The following AKAP19 variants were observed in gnomAD, a reference collection of about 807,000 sequenced individuals.
The protein encoded by AKAP19 is A-kinase anchoring protein 19, also known as small A-kinase anchoring protein.
the AKAP19 span, among the ~76,000 whole-genome samples, chr2:190,047,250 T>C: frequency 1.3e-5 from 2 of 152,076 alleles, no homozygotes; most frequent in Non-Finnish European, 2.9e-5. Context: ...CCTGCATTCA[T>C]GTGTGTGTGT....
the AKAP19 span, among the ~76,000 whole-genome samples, chr2:190,050,155 G>A: frequency 1.3e-5 from 2 of 152,206 alleles, no homozygotes; most frequent in African/African-American, 2.4e-5. Context: ...AATGTAGACA[G>A]GCAGCATTTA....
At chr2:189,982,635 A>T in the AKAP19 span, among the ~76,000 whole-genome samples, 1 of 144,988 alleles carries the variant, frequency 6.9e-6, no homozygotes, top group African/African-American at 2.5e-5. Flanking sequence ...CTTATTTTTG[A>T]ATTTGCTGTT....
At chr2:189,941,001 G>A in the AKAP19 span, among the ~76,000 whole-genome samples, 1 of 152,154 alleles carries the variant, frequency 6.6e-6, no homozygotes, top group African/African-American at 2.4e-5. Flanking sequence ...CTTAAAAATA[G>A]CAAGAGAAAA....
the AKAP19 span, among the ~76,000 whole-genome samples, chr2:190,171,379 T>G: frequency 6.6e-6 from 1 of 152,116 alleles, no homozygotes; most frequent in African/African-American, 2.4e-5. Context: ...ATGATCATGG[T>G]TTTCTTAGAG....
At chr2:189,926,832 CT>C in the AKAP19 span, among the ~76,000 whole-genome samples, 1 of 152,064 alleles carries the variant, frequency 6.6e-6, no homozygotes, top group African/African-American at 2.4e-5. Context: ...ATGCGCCCGT[CT>C]TGGCCTCCGA....
At chr2:190,044,213 C>G in the AKAP19 span, among the ~76,000 whole-genome samples, 1 of 152,144 alleles carries the variant, frequency 6.6e-6, no homozygotes, top group Non-Finnish European at 1.5e-5. Flanking sequence ...GTTCCTTCCC[C>G]AGCTTGGAGG....
chr2:190,185,733 A>G, the AKAP19 span, among the ~76,000 whole-genome samples: 2 of 152,208 alleles, frequency 1.3e-5, no homozygotes, highest in Admixed American at 6.5e-5. Flanking sequence ...CGCCTGTTCA[A>G]CAGTTAGTCT....
the AKAP19 span, among the ~76,000 whole-genome samples, chr2:189,900,216 G>A: frequency 2.0e-5 from 3 of 151,960 alleles, no homozygotes; most frequent in Non-Finnish European, 2.9e-5. Context: ...ATAATGAAAT[G>A]CATTTTTCAA....
chr2:190,135,009 G>T, the AKAP19 span, among the ~76,000 whole-genome samples: 1 of 151,992 alleles, frequency 6.6e-6, no homozygotes, highest in African/African-American at 2.4e-5. Context: ...TTTTAACAGG[G>T]TCTTCACTGA....
At chr2:190,068,158 A>G in the AKAP19 span, among the ~76,000 whole-genome samples, 2 of 152,134 alleles carry the variant, frequency 1.3e-5, no homozygotes, top group African/African-American at 4.8e-5. Flanking sequence ...CTCCTCGATT[A>G]TTACAATTCT....
chr2:190,176,553 T>C, the AKAP19 span, among the ~76,000 whole-genome samples: 2 of 152,172 alleles, frequency 1.3e-5, no homozygotes, highest in Admixed American at 6.5e-5. This position sits in a 1 kb window ranked among gnomAD's most constrained non-coding sequence, Gnocchi z 4.7. Context: ...TTTCAGTATG[T>C]TGGCCAGGCT....
the AKAP19 span, among the ~76,000 whole-genome samples, chr2:190,060,635 C>T: frequency 2.0e-5 from 3 of 151,896 alleles, no homozygotes; most frequent in Non-Finnish European, 1.5e-5. Flanking sequence ...ATTTTTCAGA[C>T]GTATGTATTT....
At chr2:189,965,704 A>ATG in the AKAP19 span, among the ~76,000 whole-genome samples, 5 of 152,200 alleles carry the variant, frequency 3.3e-5, no homozygotes, top group African/African-American at 1.2e-4. Flanking sequence ...GCTGGTGGGA[A>ATG]TGTAAACTGG....
the AKAP19 span, among the ~76,000 whole-genome samples, chr2:190,047,737 C>T: frequency 6.6e-6 from 1 of 152,196 alleles, no homozygotes; most frequent in African/African-American, 2.4e-5. Context: ...CCCTCCTTTT[C>T]TGGGAACAGT....
the AKAP19 span, among the ~76,000 whole-genome samples, chr2:189,968,611 T>C: frequency 2.6e-5 from 4 of 152,146 alleles, no homozygotes; most frequent in African/African-American, 9.7e-5. Flanking sequence ...AAAACATAGC[T>C]ATGCACTACA....
chr2:190,033,640 T>C, the AKAP19 span, among the ~76,000 whole-genome samples: 2 of 152,222 alleles, frequency 1.3e-5, no homozygotes, highest in Non-Finnish European at 2.9e-5. Context: ...CAAATTGGGC[T>C]GATTATAACT....
the AKAP19 span, among the ~76,000 whole-genome samples, chr2:190,161,342 C>T: frequency 6.6e-6 from 1 of 152,146 alleles, no homozygotes; most frequent in Middle Eastern, 3.4e-3. Flanking sequence ...TAGTTTATAC[C>T]AGCTTTTAAA....
At chr2:190,011,559 G>T in the AKAP19 span, among the ~76,000 whole-genome samples, 1 of 152,138 alleles carries the variant, frequency 6.6e-6, no homozygotes, top group Non-Finnish European at 1.5e-5. Flanking sequence ...TGGTTTTGCA[G>T]TTTCAGGTTG....
chr2:189,968,721 C>A, the AKAP19 span, among the ~76,000 whole-genome samples: 3 of 151,644 alleles, frequency 2.0e-5, no homozygotes, highest in African/African-American at 7.3e-5. Flanking sequence ...TTCATAAGCC[C>A]CCACTCCAAA....
Sources: gnomAD v4.1 joint callset for allele counts (sites outside exome capture counted in the v4.1 genomes callset) on GRCh38, gnomAD v4.1.1 for gene constraint, Gnocchi (gnomAD v3.1) non-coding constraint, MANE v1.5 for transcripts, NCBI Gene and HGNC (gene_info 2026-07-23, HGNC 2026-07-21) for gene names.